Variants in PRELID2 observed in about 807,000 individuals in gnomAD.
PRELID2 encodes PRELI domain-containing protein 2.
PRELID2 carries 25 observed loss-of-function variants against 28.4 expected under a neutral mutation model. The ratio of observed to expected loss-of-function variants is 0.88; its 90% confidence interval spans 0.64 to 1.23. The LOEUF (loss-of-function observed/expected upper bound fraction) is 1.23. Ranked by LOEUF, PRELID2 falls within the 50% of genes most tolerant of loss-of-function variation. The pLI, the probability that PRELID2 is intolerant of heterozygous loss-of-function variation, is 0.00. For synonymous variants in PRELID2, 76 were observed against 71.6 expected, an observed-to-expected ratio of 1.06 and a Z score of -0.31; for missense variants, 201 against 214.4, an observed-to-expected ratio of 0.94 and a Z score of 0.39.
chr5:145,506,315 G>A (rs915237345), intron 1 of PRELID2, among the ~76,000 whole-genome samples: 3 of 151,990 alleles, frequency 2.0e-5, no homozygotes, highest in African/African-American at 4.8e-5. Context: ...AGTCCACTAG[G>A]ATACATAACA....
intron 1 of PRELID2, among the ~76,000 whole-genome samples, chr5:145,702,468 A>G (rs909473684): frequency 3.9e-5 from 6 of 152,224 alleles, no homozygotes; most frequent in Middle Eastern, 3.2e-3. Flanking sequence ...GGGGAAATCA[A>G]CAATTCCCTA....
intron 1 of PRELID2, among the ~76,000 whole-genome samples, chr5:145,606,789 G>A (rs1171654363): frequency 6.6e-6 from 1 of 152,070 alleles, no homozygotes; most frequent in Non-Finnish European, 1.5e-5. Context: ...TGGAATTAGT[G>A]AGAAGTTGCT....
At chr5:145,682,204 G>T (rs914804611) in intron 1 of PRELID2, among the ~76,000 whole-genome samples, 1 of 152,162 alleles carries the variant, frequency 6.6e-6, no homozygotes, top group East Asian at 1.9e-4. Context: ...AAAATAAAAA[G>T]CCACAAAGAG....
At chr5:145,436,654 T>A in the PRELID2 span, among the ~76,000 whole-genome samples, 1 of 152,290 alleles carries the variant, frequency 6.6e-6, no homozygotes, top group South Asian at 2.1e-4. Flanking sequence ...GATTTGCATT[T>A]ATCCAGTAAT....
the PRELID2 span, among the ~76,000 whole-genome samples, chr5:145,423,136 T>C: frequency 6.6e-6 from 1 of 152,014 alleles, no homozygotes; most frequent in Non-Finnish European, 1.5e-5. Flanking sequence ...CCTGTGAGGG[T>C]AACCCAACCT....
At chr5:145,660,020 G>C (rs991840895) in intron 1 of PRELID2, among the ~76,000 whole-genome samples, 7 of 152,248 alleles carry the variant, frequency 4.6e-5, no homozygotes, top group African/African-American at 1.7e-4. Flanking sequence ...TTGAGCTACA[G>C]TGTCAAAGGG....
At chr5:145,739,020 A>T (rs1756574629) in intron 1 of PRELID2, among the ~76,000 whole-genome samples, 1 of 152,182 alleles carries the variant, frequency 6.6e-6, no homozygotes, top group Admixed American at 6.5e-5. Context: ...GGAAGTGGCA[A>T]ATTTTCAAGT....
At chr5:145,442,179 T>A in the PRELID2 span, among the ~76,000 whole-genome samples, 1 of 152,100 alleles carries the variant, frequency 6.6e-6, no homozygotes, top group East Asian at 1.9e-4. Flanking sequence ...TTTTATACAA[T>A]CCTGAACTTT....
chr5:145,522,793 G>A (rs1180561042), intron 1 of PRELID2, among the ~76,000 whole-genome samples: 4 of 151,726 alleles, frequency 2.6e-5, no homozygotes, highest in Non-Finnish European at 5.9e-5. Flanking sequence ...GAAGGAAGAA[G>A]AGGAGGAGGA....
intron 1 of PRELID2, among the ~76,000 whole-genome samples, chr5:145,645,889 C>T (rs1226220669): frequency 6.6e-6 from 1 of 152,190 alleles, no homozygotes; most frequent in East Asian, 1.9e-4. Flanking sequence ...AGGGTTTCTG[C>T]AGAAAAGATC....
At chr5:145,768,532 T>A (rs1399222913) in intron 5 of PRELID2, among the ~76,000 whole-genome samples, 1 of 152,162 alleles carries the variant, frequency 6.6e-6, no homozygotes, top group Admixed American at 6.5e-5. Flanking sequence ...GGACAATAAT[T>A]AAATGTCTTC....
chr5:145,360,756 A>G, the PRELID2 span, among the ~76,000 whole-genome samples: 2 of 152,192 alleles, frequency 1.3e-5, no homozygotes, highest in Non-Finnish European at 2.9e-5. Flanking sequence ...AATAATTCCA[A>G]TCCTTTGAAT....
intron 1 of PRELID2, among the ~76,000 whole-genome samples, chr5:145,670,053 T>C (rs775229524): frequency 1.3e-5 from 2 of 152,174 alleles, no homozygotes; most frequent in Non-Finnish European, 2.9e-5. Context: ...ATAAGCCCAC[T>C]GTCTTAGTCC....
At chr5:145,235,113 T>C in the PRELID2 span, among the ~76,000 whole-genome samples, 1 of 152,104 alleles carries the variant, frequency 6.6e-6, no homozygotes, top group Non-Finnish European at 1.5e-5. Flanking sequence ...TAGCAGACTA[T>C]CAGCATTTCA....
At chr5:145,454,457 G>C in the PRELID2 span, among the ~76,000 whole-genome samples, 1 of 152,136 alleles carries the variant, frequency 6.6e-6, no homozygotes, top group South Asian at 2.1e-4. Context: ...AGGAAATAAA[G>C]GGTATTCAAT....
intron 1 of PRELID2, among the ~76,000 whole-genome samples, chr5:145,643,312 TTGTC>T (rs1422525401): frequency 6.6e-6 from 1 of 150,984 alleles, no homozygotes; most frequent in Non-Finnish European, 1.5e-5. Flanking sequence ...ATTTGGCTCT[TTGTC>T]TGTTATTGGT....
intron 1 of PRELID2, among the ~76,000 whole-genome samples, chr5:145,749,724 T>C (rs1255600324): frequency 6.6e-6 from 1 of 152,100 alleles, no homozygotes; most frequent in Non-Finnish European, 1.5e-5. Flanking sequence ...CAAATGCCTA[T>C]CAATGATAGA....
chr5:145,534,191 A>T (rs1580970336), intron 1 of PRELID2, among the ~76,000 whole-genome samples: 1 of 152,182 alleles, frequency 6.6e-6, no homozygotes, highest in East Asian at 1.9e-4. Flanking sequence ...TCAGGTGATA[A>T]GACTTCACTA....
the PRELID2 span, among the ~76,000 whole-genome samples, chr5:145,452,393 T>A: frequency 3.3e-5 from 5 of 152,186 alleles, no homozygotes; most frequent in African/African-American, 1.2e-4. Flanking sequence ...TCTCCAAGCT[T>A]CCACACATGA....
Sources: gnomAD v4.1 joint callset for allele counts (sites outside exome capture counted in the v4.1 genomes callset) on GRCh38, gnomAD v4.1.1 for gene constraint, MANE v1.5 for transcripts, NCBI Gene and HGNC (gene_info 2026-07-23, HGNC 2026-07-21) for gene names.